Variants in PDE5A observed in about 807,000 individuals in gnomAD.
PDE5A encodes cGMP-specific 3',5'-cyclic phosphodiesterase.
Under a neutral mutation model 110.2 loss-of-function variants are expected in PDE5A, and 67 were observed. The observed-to-expected ratio is 0.61, with a 90% CI of 0.50 to 0.75. The LOEUF is 0.75. Ranked by LOEUF, PDE5A falls within the 30% of genes least tolerant of loss-of-function variation. The pLI is 0.00. For missense variants in PDE5A, 862 were observed against 1,045.1 expected (o/e 0.82, Z 2.42); for synonymous variants, 328 against 351.2 (o/e 0.93, Z 0.74).
At chr4:119,609,989 T>C (rs1020278942) in intron 1 of PDE5A, among the ~76,000 whole-genome samples, 2 of 152,184 alleles carry the variant, frequency 1.3e-5, no homozygotes, top group African/African-American at 4.8e-5. Flanking sequence ...GACTTTCTAA[T>C]AAAGAGGTAT....
At chr4:119,580,413 C>A (rs1380696910) in intron 3 of PDE5A, among the ~76,000 whole-genome samples, 1 of 152,170 alleles carries the variant, frequency 6.6e-6, no homozygotes, top group Non-Finnish European at 1.5e-5. Flanking sequence ...GCCAGAGACA[C>A]AAAGGTTACA....
chr4:119,511,914 G>GA (rs1725757553), intron 14 of PDE5A, among the ~76,000 whole-genome samples: 1 of 152,032 alleles, frequency 6.6e-6, no homozygotes, highest in Non-Finnish European at 1.5e-5. Flanking sequence ...TGTTTCTCAT[G>GA]ACCCTTCACA....
chr4:119,616,658 GC>G (rs1389705036), intron 1 of PDE5A, among the ~76,000 whole-genome samples: 3 of 151,954 alleles, frequency 2.0e-5, no homozygotes, highest in Non-Finnish European at 4.4e-5. Flanking sequence ...GGTTCCAGCA[GC>G]TGCTGCAGGA....
rs1459717936 is a variant in PDE5A at position 119,599,226 on chromosome 4, A to C, written c.742-2614T>G. 2.6e-5 allele frequency among the ~76,000 whole-genome samples: 4 copies of C among 152,266 alleles called. 1 individual carries two copies. The highest frequency in any genetic ancestry group is 4.1e-4 in the South Asian group (2 of 4,820). On this transcript the variant is annotated intron_variant, in intron 2 of 20. Coordinates refer to ENST00000354960, the MANE Select transcript of PDE5A (RefSeq NM_001083.4). The stretch of plus-strand genomic sequence containing the variant: ...CCCGAACAAATCTCATCCCTTTTTT[A>C]AAGGAAGAGGATATAATCCAAATGT...
Position 119,627,484 on chromosome 4 carries a change from C to T in PDE5A, c.152+1036G>A, listed in dbSNP as rs1292062489. 1.1e-5 allele frequency: 2 copies of T among 175,824 alleles called. No individual in the cohort carries two copies. Among genetic ancestry groups the T allele is most frequent in the African/African-American group, 2.4e-5 (1 of 41,870 alleles). 10.9% of individuals were successfully genotyped at this position (175,824 alleles called of 1,614,324 possible). A position where few individuals can be genotyped will look rare whatever the true frequency, so the allele number is the denominator to read the frequency against. On this transcript the variant is annotated intron_variant, in intron 1 of 20. Coordinates refer to ENST00000354960, the MANE Select transcript of PDE5A (RefSeq NM_001083.4). The surrounding 1 kb of genome is among the most constrained non-coding windows in gnomAD (Gnocchi z 4.6). ...ACCCTCCCGGCCAAGACGGCCAGCA[C>T]CCGCTGCCCGACGGCCGCTGCCCAG...
chr4:119,597,301 AG>A (rs1397361705), intron 2 of PDE5A, among the ~76,000 whole-genome samples: 1 of 115,894 alleles, frequency 8.6e-6, no homozygotes, highest in Non-Finnish European at 2.0e-5. Context: ...AAACTCTGTG[AG>A]GGTTTTTTTT....
At chr4:119,521,811 T>G (rs574593815) in intron 12 of PDE5A, among the ~76,000 whole-genome samples, 1 of 152,084 alleles carries the variant, frequency 6.6e-6, no homozygotes, top group East Asian at 1.9e-4. Context: ...AACTTCTAAG[T>G]GGTGTATTAA....
At chr4:119,527,648 G>A (rs1726374643) in intron 11 of PDE5A, among the ~76,000 whole-genome samples, 1 of 152,070 alleles carries the variant, frequency 6.6e-6, no homozygotes. Context: ...TTCTGGCATA[G>A]GATGTATATA....
chr4:119,572,689 G>A (rs1342394327), intron 3 of PDE5A, among the ~76,000 whole-genome samples: 1 of 152,168 alleles, frequency 6.6e-6, no homozygotes, highest in Non-Finnish European at 1.5e-5. Flanking sequence ...ACAGTTTCGT[G>A]GGTCTACCCC....
intron 15 of PDE5A, among the ~76,000 whole-genome samples, chr4:119,508,674 AATCAT>A (rs1725638800): frequency 6.6e-6 from 1 of 152,024 alleles, no homozygotes; most frequent in Non-Finnish European, 1.5e-5. Flanking sequence ...TTAAATACTA[AATCAT>A]TTTAGATTCT....
At chr4:119,510,348 T>G (rs573075084) in intron 15 of PDE5A, among the ~76,000 whole-genome samples, 61 of 152,138 alleles carry the variant, frequency 4.0e-4, no homozygotes, top group African/African-American at 1.4e-3. Flanking sequence ...TAAAATTGCT[T>G]TAAGATTATA....
intron 9 of PDE5A, chr4:119,543,382 T>C (rs1172643552): frequency 1.3e-5 from 2 of 152,186 alleles, no homozygotes; most frequent in African/African-American, 4.8e-5. Context: ...CCTACCTCTG[T>C]GTAAACAAAG....
At chr4:119,615,586 T>C (rs905082147) in intron 1 of PDE5A, among the ~76,000 whole-genome samples, 2 of 143,454 alleles carry the variant, frequency 1.4e-5, no homozygotes, top group Non-Finnish European at 3.0e-5. Flanking sequence ...TACTTCAGAA[T>C]GGCATTCTTG....
chr4:119,515,029 A>G (rs1266636030), intron 14 of PDE5A, among the ~76,000 whole-genome samples: 1 of 152,214 alleles, frequency 6.6e-6, no homozygotes, highest in Non-Finnish European at 1.5e-5. Context: ...TGGTGGTATA[A>G]GGACTAAATG....
At chr4:119,579,676 T>G (rs929198428) in intron 3 of PDE5A, among the ~76,000 whole-genome samples, 5 of 149,626 alleles carry the variant, frequency 3.3e-5, no homozygotes, top group Non-Finnish European at 7.4e-5. Context: ...AACATCACAC[T>G]CTGGGGCCTG....
At chr4:119,507,770 A>G in intron 15 of PDE5A, 66 bp from the exon 16 acceptor site, 1 of 953,644 alleles carries the variant, frequency 1.0e-6, no homozygotes. Flanking sequence ...AAAATCTAGA[A>G]ATATATTCAC....
At chr4:119,580,023 G>A (rs75978835) in intron 3 of PDE5A, among the ~76,000 whole-genome samples, 1,724 of 152,252 alleles carry the variant, frequency 0.011, 27 homozygotes, top group African/African-American at 0.038. Flanking sequence ...TAGGGAGGAC[G>A]TCGCTCCCCA....
intron 1 of PDE5A, among the ~76,000 whole-genome samples, chr4:119,614,157 T>C (rs954571795): frequency 6.7e-6 from 1 of 150,032 alleles, no homozygotes; most frequent in Admixed American, 6.6e-5. Context: ...TTCTTAAGGA[T>C]AGTGTCCATA....
intron 14 of PDE5A, chr4:119,512,781 A>G (rs570598774): frequency 6.6e-6 from 1 of 152,262 alleles, no homozygotes; most frequent in Admixed American, 6.6e-5. Flanking sequence ...GGGGAACCTG[A>G]CTAGCTGAAT....
Sources: allele counts gnomAD v4.1 joint callset (sites outside exome capture counted in the v4.1 genomes callset), GRCh38; gene constraint gnomAD v4.1.1; non-coding constraint Gnocchi (gnomAD v3.1); transcripts MANE v1.5; gene names NCBI Gene and HGNC (gene_info 2026-07-23, HGNC 2026-07-21).